SPESP1: variants seen among roughly 807,000 people sequenced by gnomAD.
SPESP1 encodes the protein sperm equatorial segment protein 1.
A neutral mutation model predicts 3.1 loss-of-function variants in SPESP1; 1 was observed. That is an observed-to-expected ratio of 0.33 (90% CI 0.12 to 1.54). The LOEUF is 1.54. Ranked by LOEUF, SPESP1 falls within the 40% of genes most tolerant of loss-of-function variation. The pLI, the probability that SPESP1 is intolerant of heterozygous loss-of-function variation, is 0.38. For missense variants in SPESP1, 398 were observed against 410.1 expected (o/e 0.97, Z 0.26); for synonymous variants, 138 against 150.7 (o/e 0.92, Z 0.62).
chr15:68,944,311 C>CT (rs75390989), intron 1 of SPESP1, among the ~76,000 whole-genome samples: 2,588 of 131,282 alleles, frequency 0.02, 34 homozygotes, highest in East Asian at 0.042. Context: ...ATAGAACTAC[C>CT]TTTTTTTTTT....
chr15:68,940,022 TA>T (rs112102441), intron 1 of SPESP1, among the ~76,000 whole-genome samples: 1 of 152,228 alleles, frequency 6.6e-6, no homozygotes, highest in African/African-American at 2.4e-5. Context: ...TTTTTCAGAT[TA>T]AAAAAACATT....
chr15:68,931,819 T>C (rs1405372789), intron 1 of SPESP1, among the ~76,000 whole-genome samples: 1 of 152,212 alleles, frequency 6.6e-6, no homozygotes, highest in Non-Finnish European at 1.5e-5. Flanking sequence ...CTGTAGTTCA[T>C]TGTGGCATTT....
At chr15:68,942,999 A>G (rs1018362410) in intron 1 of SPESP1, among the ~76,000 whole-genome samples, 2 of 152,144 alleles carry the variant, frequency 1.3e-5, no homozygotes, top group Non-Finnish European at 2.9e-5. Context: ...TTGCCATTAA[A>G]AAATAAAGGA....
chr15:68,935,010 TG>T (rs1895648392), intron 1 of SPESP1, among the ~76,000 whole-genome samples: 1 of 152,168 alleles, frequency 6.6e-6, no homozygotes, highest in Non-Finnish European at 1.5e-5. Flanking sequence ...TCACTCTGAA[TG>T]GAATTAACTG....
At chr15:68,935,382 C>T (rs752237109) in intron 1 of SPESP1, among the ~76,000 whole-genome samples, 1 of 152,204 alleles carries the variant, frequency 6.6e-6, no homozygotes, top group Non-Finnish European at 1.5e-5. Flanking sequence ...ACTCATGCAG[C>T]TGCATTCAGC....
intron 1 of SPESP1, among the ~76,000 whole-genome samples, chr15:68,933,353 A>G (rs1895600673): frequency 6.6e-6 from 1 of 152,116 alleles, no homozygotes; most frequent in Non-Finnish European, 1.5e-5. Flanking sequence ...ACATACACAC[A>G]CACACATCCT....
intron 1 of SPESP1, among the ~76,000 whole-genome samples, chr15:68,940,251 C>T (rs561027566): frequency 8.2e-4 from 125 of 152,222 alleles, no homozygotes; most frequent in Non-Finnish European, 1.5e-3. Flanking sequence ...GCTCTACCCA[C>T]ATTCCTTTTC....
intron 1 of SPESP1, among the ~76,000 whole-genome samples, chr15:68,942,472 A>G (rs906026974): frequency 2.0e-5 from 3 of 152,296 alleles, no homozygotes; most frequent in East Asian, 3.9e-4. Context: ...GATGTTAAAT[A>G]TTAACAGTAA....
chr15:68,942,407 T>G (rs192777495), intron 1 of SPESP1, among the ~76,000 whole-genome samples: 84 of 152,268 alleles, frequency 5.5e-4, no homozygotes, highest in African/African-American at 1.9e-3. Context: ...TGTCCAATTC[T>G]TATGTCTCCA....
chr15:68,931,034 AG>A (rs1277403708), intron 1 of SPESP1, among the ~76,000 whole-genome samples: 1 of 152,170 alleles, frequency 6.6e-6, no homozygotes, highest in Non-Finnish European at 1.5e-5. Flanking sequence ...GTGACCGTGC[AG>A]GGGTCGTGTG....
chr15:68,931,201 A>T (rs938147142), intron 1 of SPESP1, among the ~76,000 whole-genome samples: 13 of 150,640 alleles, frequency 8.6e-5, no homozygotes, highest in African/African-American at 2.9e-4. Context: ...CTTGTCATTT[A>T]CATTAGGTAT....
chr15:68,935,009 A>G lies in SPESP1; in HGVS notation c.64+4292A>G, dbSNP rs548593870. On this transcript the variant is annotated intron_variant, in intron 1 of 1. Transcript: ENST00000310673. Reference sequence around the variant, plus strand: ...TCCCACTCTATCTTTCTCACTCTGAATGGAATTAACTGTCTTTCCAAGGGG... The same window carrying G: ...TCCCACTCTATCTTTCTCACTCTGAGTGGAATTAACTGTCTTTCCAAGGGG... Among the ~76,000 whole-genome samples, 5 of 152,240 alleles carry G rather than the reference A, an allele frequency of 3.3e-5. No individual in the cohort carries two copies. The South Asian group carries it at 1.0e-3, about 32-fold the overall frequency.
intron 1 of SPESP1, among the ~76,000 whole-genome samples, chr15:68,938,564 AATATTTTGGTCCAGTT>A (rs1205171146): frequency 1.3e-5 from 2 of 152,178 alleles, no homozygotes; most frequent in African/African-American, 4.8e-5. Context: ...TGTAGTTTAA[AATATTTTGGTCCAGTT>A]GACAGCACAA....
intron 1 of SPESP1, among the ~76,000 whole-genome samples, chr15:68,938,023 C>T (rs1259323860): frequency 6.6e-6 from 1 of 152,038 alleles, no homozygotes; most frequent in Non-Finnish European, 1.5e-5. Context: ...TCTTGTCCCC[C>T]AGGCTGGAGT....
chr15:68,942,443 T>C (rs1365026648), intron 1 of SPESP1, among the ~76,000 whole-genome samples: 1 of 152,166 alleles, frequency 6.6e-6, no homozygotes, highest in African/African-American at 2.4e-5. Context: ...CTAATTGCAT[T>C]GACTAGTATC....
Position 68,946,474 on chromosome 15 carries a change from T to G in SPESP1, c.940T>G (p.Leu314Val), listed in dbSNP as rs1255281859. 3.1e-6 allele frequency: 5 copies of G among 1,613,562 alleles called. No individual in the cohort carries two copies. In the Admixed American group the frequency reaches 8.3e-5, roughly 27 times the overall value. ...TTCTAGATCTAAACTCTATGAATAT[T>G]TAGATATTAAATGTGTTCCACCAGA... ...CNSRSKLYEY[L>V]DIKCVPPEMR... The change falls in exon 2 of 2, where the codon TTA becomes GTA. Residue 314 changes from leucine (L) to valine (V), a missense_variant. Leu to Val is a conservative substitution (Grantham distance 32, BLOSUM62 1). Coordinates refer to ENST00000310673, the MANE Select transcript of SPESP1 (RefSeq NM_145658.4).
chr15:68,932,628 A>G (rs558547787), intron 1 of SPESP1, among the ~76,000 whole-genome samples: 3 of 152,094 alleles, frequency 2.0e-5, no homozygotes, highest in East Asian at 3.9e-4. Flanking sequence ...CTGACCTCAA[A>G]TGATCCATCC....
rs779451230 is a variant in SPESP1, at chr15:68,945,625, C to T, written c.91C>T (p.Gln31Ter). 3.2e-6 allele frequency: 5 copies of T among 1,581,502 alleles called. No homozygotes were observed. Among genetic ancestry groups the T allele is most frequent in the African/African-American group, 1.4e-5 (1 of 73,034 alleles). Residue 31 changes from glutamine to a stop codon, truncating the protein, a stop_gained, in exon 2 of 2, where the codon CAA (glutamine) becomes TAA (stop). Coordinates refer to ENST00000310673, the MANE Select transcript of SPESP1 (RefSeq NM_145658.4). LOFTEE classifies it low-confidence loss of function (END_TRUNC). ...CATAACTGTGACACCTGATGAAGAG[C>T]AAAACTTGAATCATTATATACAAGT... is the stretch of plus-strand genomic sequence containing the variant. ...PSITVTPDEE[Q>*]NLNHYIQVLE...
chr15:68,941,311 A>G (rs1344778366), intron 1 of SPESP1, among the ~76,000 whole-genome samples: 1 of 152,172 alleles, frequency 6.6e-6, no homozygotes, highest in African/African-American at 2.4e-5. Flanking sequence ...ATGTCTTTCA[A>G]AAGATTTTAT....
Sources: allele counts gnomAD v4.1 joint callset (sites outside exome capture counted in the v4.1 genomes callset), GRCh38; gene constraint gnomAD v4.1.1; transcripts MANE v1.5; gene names NCBI Gene and HGNC (gene_info 2026-07-23, HGNC 2026-07-21).